Variants in LCLAT1 observed in about 807,000 individuals in gnomAD.
The protein encoded by LCLAT1 is lysocardiolipin acyltransferase 1.
Under a neutral mutation model 30.7 loss-of-function variants are expected in LCLAT1, and 11 were observed. The observed-to-expected ratio is 0.36, with a 90% CI of 0.23 to 0.59. The LOEUF is 0.59. Among genes scored for constraint, LCLAT1 ranks in the 20% least tolerant of loss-of-function variants. The probability of loss-of-function intolerance (pLI) is 0.77; values close to 1 mark genes in which losing one functional copy is unlikely to be tolerated. For synonymous variants in LCLAT1, 155 were observed against 151.3 expected (o/e 1.02, Z -0.18); for missense variants, 402 against 458.6 (o/e 0.88, Z 1.13).
Position 30,643,935 on chromosome 2 carries a change from G to A in LCLAT1, c.*3316G>A, listed in dbSNP as rs1558579684. The stretch of plus-strand genomic sequence containing the variant: ...AAATGAGCTTCATGCTGAGGTAGTG[G>A]TTGCCTTAGAGCTGTTATTTATGCT... On this transcript the variant is annotated 3_prime_UTR_variant, in exon 6 of 6. Transcript: ENST00000379509. 1 of 152,568 alleles carries A rather than the reference G, an allele frequency of 6.6e-6. No homozygotes were observed. The highest frequency in any genetic ancestry group is 1.5e-5 in the Non-Finnish European group (1 of 68,038). The allele number at this position is 152,568 out of a possible 1,614,324, so 9.5% of individuals were successfully genotyped here. A position where few individuals can be genotyped will look rare whatever the true frequency, so the allele number is the denominator to read the frequency against.
intron 5 of LCLAT1, among the ~76,000 whole-genome samples, chr2:30,632,565 A>G (rs1668817949): frequency 6.6e-6 from 1 of 152,252 alleles, no homozygotes; most frequent in Admixed American, 6.5e-5. Flanking sequence ...GAAAGAAGGA[A>G]GGTAAAGGAT....
intron 1 of LCLAT1, among the ~76,000 whole-genome samples, chr2:30,496,583 A>G (rs1354003728): frequency 6.6e-6 from 1 of 152,164 alleles, no homozygotes; most frequent in African/African-American, 2.4e-5. Flanking sequence ...ACCTTTTCTT[A>G]TAGGTTGCCA....
chr2:30,636,793 CGT>C (rs1181890789), intron 5 of LCLAT1, among the ~76,000 whole-genome samples: 1 of 152,142 alleles, frequency 6.6e-6, no homozygotes, highest in Admixed American at 6.5e-5. Flanking sequence ...GTATTTGATC[CGT>C]AAGCATTAGG....
intron 5 of LCLAT1, among the ~76,000 whole-genome samples, chr2:30,604,297 T>A (rs559757718): frequency 6.6e-6 from 1 of 152,196 alleles, no homozygotes; most frequent in East Asian, 1.9e-4. Context: ...TGTGACTTCT[T>A]AGCTTAGAGA....
chr2:30,616,913 T>C, intron 5 of LCLAT1, among the ~76,000 whole-genome samples: 1 of 152,182 alleles, frequency 6.6e-6, no homozygotes. Flanking sequence ...AACATTTTGG[T>C]TTGACAAGAA....
In LCLAT1 at chr2:30,556,893, C is replaced by G. The variant is rs374035213; in HGVS notation, c.365-5253C>G. 3.5e-3 allele frequency among the ~76,000 whole-genome samples: 530 copies of G among 151,974 alleles called. 3 individuals carry two copies. The highest frequency in any genetic ancestry group is 0.012 in the African/African-American group (498 of 41,454). On this transcript the variant is annotated intron_variant, in intron 3 of 5. Transcript: ENST00000379509. Reference sequence around the variant, plus strand: ...CCAAATAGTTGGGATTACAGGCGTGCCCCACCACGCCCGGCTAATTTTGTA... The same window carrying G: ...CCAAATAGTTGGGATTACAGGCGTGGCCCACCACGCCCGGCTAATTTTGTA...
Position 30,525,767 on chromosome 2 carries a change from AC to A in LCLAT1, c.165+14del, listed in dbSNP as rs1475974935. The A allele has an allele frequency of 1.2e-6, 2 of 1,613,716 alleles. No homozygotes were observed. The highest frequency in any genetic ancestry group is 1.1e-5 in the South Asian group (1 of 91,060). ...TCACCCTACCTGTGGTAAGTTACAC[AC>A]CAGAGGAGACTGTCTGCTTGTACTA... On this transcript the variant is annotated intron_variant, in intron 2 of 5. Coordinates refer to ENST00000379509, the MANE Select transcript of LCLAT1 (RefSeq NM_001002257.3).
chr2:30,480,846 C>T (rs1364579489), intron 1 of LCLAT1, among the ~76,000 whole-genome samples: 1 of 152,052 alleles, frequency 6.6e-6, no homozygotes, highest in Admixed American at 6.6e-5. Flanking sequence ...CTTACAACTA[C>T]AGAACTATAG....
chr2:30,499,720 C>T (rs1263800413), intron 1 of LCLAT1, among the ~76,000 whole-genome samples: 2 of 152,062 alleles, frequency 1.3e-5, no homozygotes, highest in African/African-American at 2.4e-5. Context: ...TCTTTTTGGC[C>T]ATAAAAAAGT....
At chr2:30,614,970 G>A (rs910292609) in intron 5 of LCLAT1, among the ~76,000 whole-genome samples, 4 of 152,098 alleles carry the variant, frequency 2.6e-5, no homozygotes, top group Admixed American at 6.6e-5. Context: ...AAAGGTCACC[G>A]AGGACAGTTC....
chr2:30,562,371 C>A, intron 4 of LCLAT1, 79 bp downstream of exon 4: 1 of 1,171,804 alleles, frequency 8.5e-7, no homozygotes. Context: ...AACTGAACAC[C>A]AACAAGAATA....
intron 5 of LCLAT1, chr2:30,606,624 C>G (rs1667457957): frequency 6.8e-6 from 1 of 146,268 alleles, no homozygotes; most frequent in South Asian, 2.3e-4. Context: ...AAACCCAAAA[C>G]TATAAAAACC....
At chr2:30,495,893 A>G (rs1043057773) in intron 1 of LCLAT1, among the ~76,000 whole-genome samples, 5 of 152,154 alleles carry the variant, frequency 3.3e-5, no homozygotes, top group African/African-American at 9.7e-5. Context: ...CTGTGGAGAT[A>G]CAGATAATAT....
chr2:30,635,106 G>A (rs1259133191), intron 5 of LCLAT1, among the ~76,000 whole-genome samples: 3 of 152,158 alleles, frequency 2.0e-5, no homozygotes, highest in Non-Finnish European at 4.4e-5. Context: ...AAGCTTTAAA[G>A]TTATCAAGAC....
At position 30,562,203 on chromosome 2, in the gene LCLAT1, A is replaced by G; in HGVS notation, c.422A>G (p.Lys141Arg). Residue 141 changes from lysine to arginine, a missense_variant, in exon 4 of 6, where the codon AAG becomes AGG. Transcript: ENST00000379509. ...IFIHRKWKDD[K>R]SHFEDMIDYF... ...ATTCATAGGAAATGGAAGGATGACA[A>G]GAGCCATTTCGAAGACATGATTGAT... The G allele has an allele frequency of 1.2e-6, 2 of 1,613,518 alleles. No homozygotes were observed. Among genetic ancestry groups the G allele is most frequent in the Non-Finnish European group, 1.7e-6 (2 of 1,179,492 alleles).
rs549086588 is a variant in LCLAT1, at chr2:30,459,061, A to G, written c.-5+11678A>G. Among the ~76,000 whole-genome samples, 11 of 152,338 alleles carry G rather than the reference A, an allele frequency of 7.2e-5. No individual in the cohort carries two copies. The East Asian group carries it at 1.7e-3, about 24-fold the overall frequency. On this transcript the variant is annotated intron_variant, in intron 1 of 5. Transcript: ENST00000379509. ...TTTGTAATTTGGCAGTAGAATCAGG[A>G]TCCAGGAAATGAGCAGCATGTGGTC...
At chr2:30,580,391 T>C (rs1666163217) in intron 5 of LCLAT1, among the ~76,000 whole-genome samples, 1 of 152,164 alleles carries the variant, frequency 6.6e-6, no homozygotes, top group African/African-American at 2.4e-5. Flanking sequence ...TCTTTGAACG[T>C]AAAATCTGAG....
At chr2:30,502,868 A>G (rs1328754726) in intron 1 of LCLAT1, among the ~76,000 whole-genome samples, 2 of 152,116 alleles carry the variant, frequency 1.3e-5, no homozygotes, top group African/African-American at 4.8e-5. Context: ...ACCCAGGAGA[A>G]TTCTTGGCTT....
At chr2:30,449,026 G>T (rs986149081) in intron 1 of LCLAT1, among the ~76,000 whole-genome samples, 1 of 152,002 alleles carries the variant, frequency 6.6e-6, no homozygotes, top group Non-Finnish European at 1.5e-5. Flanking sequence ...ACTTATATGT[G>T]CCAACTCAGT....
Sources: gnomAD v4.1 joint callset for allele counts (sites outside exome capture counted in the v4.1 genomes callset) on GRCh38, gnomAD v4.1.1 for gene constraint, MANE v1.5 for transcripts, NCBI Gene and HGNC (gene_info 2026-07-23, HGNC 2026-07-21) for gene names.